FOXP1: variants seen among roughly 807,000 people sequenced by gnomAD.
The protein encoded by FOXP1 is forkhead box protein P1.
A neutral mutation model predicts 98.2 loss-of-function variants in FOXP1; 15 were observed. That is an observed-to-expected ratio of 0.15 (90% CI 0.10 to 0.24). The LOEUF (loss-of-function observed/expected upper bound fraction) is 0.24, where lower values mean the gene tolerates loss of function less well. Among genes scored for constraint, FOXP1 ranks in the 10% least tolerant of loss-of-function variants. FOXP1 has a pLI of 1.00. For missense variants in FOXP1, 633 were observed against 848.5 expected (o/e 0.75, Z 3.15); for synonymous variants, 371 against 314.5 (o/e 1.18, Z -1.90).
intron 9 of FOXP1, among the ~76,000 whole-genome samples, chr3:71,051,270 C>T (rs2049851885): frequency 6.6e-6 from 1 of 152,158 alleles, no homozygotes; most frequent in African/African-American, 2.4e-5. Context: ...CGCCACTGTA[C>T]TTAAGGTTGT....
rs79487005 is a variant in FOXP1, at chr3:71,268,525, G to A, written c.-12+31295C>T. 4.7e-4 allele frequency among the ~76,000 whole-genome samples: 71 copies of A among 152,192 alleles called. 1 individual carries two copies. In the East Asian group the frequency reaches 9.9e-3, roughly 21 times the overall value. On this transcript the variant is annotated intron_variant, in intron 5 of 20. Coordinates refer to ENST00000649528, the MANE Select transcript of FOXP1 (RefSeq NM_001349338.3). ...TCTTCCACACCAGGGGCGATACTGA[G>A]GGGAAATAATCTTTTTACCATCACT...
At chr3:71,083,978 A>G (rs1466360626) in intron 7 of FOXP1, among the ~76,000 whole-genome samples, 1 of 152,186 alleles carries the variant, frequency 6.6e-6, no homozygotes, top group Admixed American at 6.5e-5. Flanking sequence ...GCCTGAGGGA[A>G]ACCCCAAATT....
At chr3:71,140,484 A>G (rs184466670) in intron 6 of FOXP1, among the ~76,000 whole-genome samples, 95 of 152,334 alleles carry the variant, frequency 6.2e-4, no homozygotes, top group African/African-American at 2.2e-3. Context: ...CTCTGTTGTT[A>G]AGATGAGCAT....
intron 6 of FOXP1, among the ~76,000 whole-genome samples, chr3:71,140,995 G>T (rs905042984): frequency 6.6e-6 from 1 of 151,706 alleles, no homozygotes; most frequent in Non-Finnish European, 1.5e-5. Flanking sequence ...CAGGCTGGGC[G>T]TGGTGGTTCA....
At chr3:71,349,556 T>G (rs1354062845) in intron 4 of FOXP1, among the ~76,000 whole-genome samples, 1 of 152,146 alleles carries the variant, frequency 6.6e-6, no homozygotes, top group East Asian at 1.9e-4. Context: ...AGGGAAGCAT[T>G]AAAAGCATGT....
chr3:71,457,892 A>G (rs574136504), intron 3 of FOXP1, among the ~76,000 whole-genome samples: 1 of 152,296 alleles, frequency 6.6e-6, no homozygotes, highest in East Asian at 1.9e-4. Flanking sequence ...CCAGTGCCCA[A>G]CATGGGGGCA....
chr3:71,495,428 C>T (rs2091336456), intron 2 of FOXP1, among the ~76,000 whole-genome samples: 1 of 152,166 alleles, frequency 6.6e-6, no homozygotes, highest in Non-Finnish European at 1.5e-5. Flanking sequence ...CATCGCAATG[C>T]TCCAAAATTT....
At chr3:71,158,661 T>C (rs1400445193) in intron 6 of FOXP1, among the ~76,000 whole-genome samples, 2 of 136,962 alleles carry the variant, frequency 1.5e-5, no homozygotes, top group African/African-American at 2.8e-5. Flanking sequence ...CAAATTAACA[T>C]ACAGATAAAC....
intron 7 of FOXP1, among the ~76,000 whole-genome samples, chr3:71,094,499 C>A (rs1252936674): frequency 6.6e-6 from 1 of 152,008 alleles, no homozygotes; most frequent in Non-Finnish European, 1.5e-5. Flanking sequence ...TTTCCCCAAC[C>A]ATTAAAAAAT....
At chr3:71,079,206 G>A (rs1313381476) in intron 7 of FOXP1, among the ~76,000 whole-genome samples, 1 of 152,082 alleles carries the variant, frequency 6.6e-6, no homozygotes, top group Admixed American at 6.6e-5. Context: ...GAGGACAGCA[G>A]CCCAACTCCT....
intron 2 of FOXP1, among the ~76,000 whole-genome samples, chr3:71,538,265 A>G (rs867293829): frequency 6.6e-6 from 1 of 152,210 alleles, no homozygotes; most frequent in Non-Finnish European, 1.5e-5. Context: ...TCACCACAAT[A>G]TAAGTTAGAA....
At chr3:71,089,728 C>T (rs1011881794) in intron 7 of FOXP1, among the ~76,000 whole-genome samples, 1 of 152,194 alleles carries the variant, frequency 6.6e-6, no homozygotes, top group Non-Finnish European at 1.5e-5. Context: ...AGTCTATAAT[C>T]AGGGTACAAA....
intron 3 of FOXP1, among the ~76,000 whole-genome samples, chr3:71,432,771 G>A (rs1365959257): frequency 6.6e-6 from 1 of 150,612 alleles, no homozygotes; most frequent in Non-Finnish European, 1.5e-5. Context: ...TCATTTTCAG[G>A]CTTAAGTGTG....
intron 6 of FOXP1, among the ~76,000 whole-genome samples, chr3:71,177,840 C>CTTTTTTTTTTTTT (rs397704711): frequency 7.0e-5 from 8 of 114,938 alleles, no homozygotes; most frequent in South Asian, 2.7e-4. Context: ...TTCTTTCTTT[C>CTTTTTTTTTTTTT]TTTTTTTTTT....
chr3:71,562,505 T>G (rs2046618021), intron 2 of FOXP1, among the ~76,000 whole-genome samples: 2 of 152,168 alleles, frequency 1.3e-5, no homozygotes, highest in Non-Finnish European at 2.9e-5. Flanking sequence ...CTAGGCACAA[T>G]GAACTACTGC....
intron 2 of FOXP1, among the ~76,000 whole-genome samples, chr3:71,516,706 T>C (rs936441594): frequency 6.6e-6 from 1 of 151,864 alleles, no homozygotes; most frequent in Non-Finnish European, 1.5e-5. Flanking sequence ...ATCAGCTGGG[T>C]GTTGTGGCGG....
At chr3:71,212,621 T>C (rs1265847736) in intron 5 of FOXP1, among the ~76,000 whole-genome samples, 1 of 152,194 alleles carries the variant, frequency 6.6e-6, no homozygotes, top group Admixed American at 6.5e-5. Context: ...CTTTCCACAA[T>C]ACAAGTTCAG....
chr3:71,284,192 T>C (rs1210759740), intron 5 of FOXP1, among the ~76,000 whole-genome samples: 2 of 152,184 alleles, frequency 1.3e-5, no homozygotes, highest in Non-Finnish European at 2.9e-5. Flanking sequence ...GCAAGACACA[T>C]GGAGAACTTG....
intron 9 of FOXP1, among the ~76,000 whole-genome samples, chr3:71,047,419 G>A (rs1047515456): frequency 2.0e-5 from 3 of 152,172 alleles, no homozygotes; most frequent in Non-Finnish European, 2.9e-5. Context: ...ATGCACACTA[G>A]AGAGAAGACT....
Sources: allele counts gnomAD v4.1 joint callset (sites outside exome capture counted in the v4.1 genomes callset), GRCh38; gene constraint gnomAD v4.1.1; transcripts MANE v1.5; gene names NCBI Gene and HGNC (gene_info 2026-07-23, HGNC 2026-07-21).